The following CA10 variants were observed in gnomAD, a reference collection of about 807,000 sequenced individuals.
CA10 encodes the protein carbonic anhydrase-related protein 10.
Under a neutral mutation model 44.2 loss-of-function variants are expected in CA10, and 14 were observed. That is an observed-to-expected ratio of 0.32 (90% CI 0.21 to 0.50). The LOEUF is 0.50. Ranked by LOEUF, CA10 falls within the 20% of genes least tolerant of loss-of-function variation. CA10 has a pLI of 0.99. For synonymous variants in CA10, 159 were observed against 141.6 expected (o/e 1.12, Z -0.87); for missense variants, 350 against 409.7 (o/e 0.85, Z 1.26).
chr17:51,849,233 G>A (rs2047674), intron 3 of CA10, among the ~76,000 whole-genome samples: 1,387 of 39,016 alleles, frequency 0.036, 47 homozygotes, highest in East Asian at 0.072. Flanking sequence ...ATATGTGTGT[G>A]TATATATATA....
chr17:51,953,463 T>G (rs1021418072), intron 2 of CA10, among the ~76,000 whole-genome samples: 1 of 152,000 alleles, frequency 6.6e-6, no homozygotes, highest in African/African-American at 2.4e-5. Context: ...TTGTTTTTTT[T>G]TTTTAATTTG....
intron 3 of CA10, among the ~76,000 whole-genome samples, chr17:51,791,805 A>G (rs868440768): frequency 1.3e-5 from 2 of 152,158 alleles, no homozygotes; most frequent in Admixed American, 1.3e-4. Context: ...CTTTCTTTTA[A>G]TAGCTTTTGA....
intron 4 of CA10, among the ~76,000 whole-genome samples, chr17:51,738,193 T>C (rs1267419076): frequency 6.6e-6 from 1 of 152,236 alleles, no homozygotes; most frequent in East Asian, 1.9e-4. Flanking sequence ...GGCGAGCAAT[T>C]AAGTTGGCAC....
At chr17:51,902,598 G>A (rs1040508861) in intron 3 of CA10, among the ~76,000 whole-genome samples, 2 of 152,098 alleles carry the variant, frequency 1.3e-5, no homozygotes, top group African/African-American at 4.8e-5. Flanking sequence ...TTTCTTCCAT[G>A]ACAACAGCTT....
At chr17:52,017,923 C>G (rs534664144) in intron 2 of CA10, among the ~76,000 whole-genome samples, 2 of 152,260 alleles carry the variant, frequency 1.3e-5, no homozygotes, top group South Asian at 4.1e-4. Context: ...GGCATTGCTC[C>G]CCACTTCCTG....
chr17:51,720,350 C>T (rs935551446), intron 4 of CA10, among the ~76,000 whole-genome samples: 1 of 152,066 alleles, frequency 6.6e-6, no homozygotes, highest in African/African-American at 2.4e-5. Context: ...TCATAATGAA[C>T]ACTTTTAATC....
chr17:51,840,478 TACACACACACAC>T (rs3033576), intron 3 of CA10, among the ~76,000 whole-genome samples: 28 of 146,728 alleles, frequency 1.9e-4, no homozygotes, highest in Middle Eastern at 3.5e-3. Flanking sequence ...CAACCTTTAA[TACACACACACAC>T]ACACACACAC....
At chr17:51,683,312 C>T (rs1914905123) in intron 4 of CA10, among the ~76,000 whole-genome samples, 2 of 152,220 alleles carry the variant, frequency 1.3e-5, no homozygotes, top group South Asian at 4.2e-4. Context: ...TAACTGGAGT[C>T]CAAGGACTGA....
At chr17:51,825,252 C>T (rs571490003) in intron 3 of CA10, among the ~76,000 whole-genome samples, 3 of 152,014 alleles carry the variant, frequency 2.0e-5, no homozygotes, top group East Asian at 1.9e-4. Context: ...GGTATATTAT[C>T]GAAAACTGTG....
At chr17:52,132,172 A>T (rs1194739686) in intron 1 of CA10, among the ~76,000 whole-genome samples, 1 of 152,074 alleles carries the variant, frequency 6.6e-6, no homozygotes, top group Non-Finnish European at 1.5e-5. Flanking sequence ...TTAAAGTATA[A>T]TAATAATAAA....
chr17:52,051,628 C>A (rs1276930120), intron 2 of CA10, among the ~76,000 whole-genome samples: 1 of 151,938 alleles, frequency 6.6e-6, no homozygotes, highest in Admixed American at 6.6e-5. Context: ...ATTAAAAAGT[C>A]AAAATATAAC....
chr17:52,144,808 C>T (rs144125029), intron 1 of CA10, among the ~76,000 whole-genome samples: 1 of 152,238 alleles, frequency 6.6e-6, no homozygotes, highest in East Asian at 1.9e-4. Context: ...TCAGCCATAT[C>T]GAAAGCAAAA....
chr17:51,954,793 C>T (rs1023036226), intron 2 of CA10, among the ~76,000 whole-genome samples: 1 of 152,166 alleles, frequency 6.6e-6, no homozygotes, highest in Non-Finnish European at 1.5e-5. Context: ...AAATTGGAAG[C>T]CCTGGTGCCC....
At chr17:51,690,227 C>T (rs1208880397) in intron 4 of CA10, among the ~76,000 whole-genome samples, 6 of 152,184 alleles carry the variant, frequency 3.9e-5, no homozygotes, top group African/African-American at 7.2e-5. Flanking sequence ...GGATTACAGG[C>T]GTGAGCCACC....
chr17:51,739,162 C>T (rs534587745), intron 4 of CA10, among the ~76,000 whole-genome samples: 6 of 152,188 alleles, frequency 3.9e-5, no homozygotes, highest in South Asian at 4.2e-4. Flanking sequence ...AGAGTCCCAA[C>T]GAATATAGGT....
At chr17:51,991,738 G>T (rs1400659476) in intron 2 of CA10, among the ~76,000 whole-genome samples, 1 of 152,156 alleles carries the variant, frequency 6.6e-6, no homozygotes, top group African/African-American at 2.4e-5. Flanking sequence ...GAACCTGGGA[G>T]GAGGAGGTTG....
intron 2 of CA10, among the ~76,000 whole-genome samples, chr17:52,022,600 C>T (rs554052096): frequency 6.6e-6 from 1 of 152,168 alleles, no homozygotes; most frequent in African/African-American, 2.4e-5. Flanking sequence ...AGTACTAGAA[C>T]TCCTAGCCAG....
chr17:51,797,064 A>G (rs1159404630), intron 3 of CA10, among the ~76,000 whole-genome samples: 1 of 152,114 alleles, frequency 6.6e-6, no homozygotes, highest in African/African-American at 2.4e-5. Context: ...TTTCTGCCAG[A>G]ACAGCTGCCC....
chr17:51,726,460 C>T (rs562914846), intron 4 of CA10, among the ~76,000 whole-genome samples: 18 of 152,190 alleles, frequency 1.2e-4, no homozygotes, highest in South Asian at 4.2e-4. Flanking sequence ...CACAAGAAAA[C>T]GATAAGTGTG....
Sources: allele counts gnomAD v4.1 joint callset (sites outside exome capture counted in the v4.1 genomes callset), GRCh38; gene constraint gnomAD v4.1.1; transcripts MANE v1.5; gene names NCBI Gene and HGNC (gene_info 2026-07-23, HGNC 2026-07-21).